Variants in HSD11B1L observed in about 807,000 individuals in gnomAD.
HSD11B1L encodes the protein hydroxysteroid 11-beta dehydrogenase 1 like, also known as hydroxysteroid 11-beta-dehydrogenase 1-like protein.
Under a neutral mutation model 27.0 loss-of-function variants are expected in HSD11B1L, and 22 were observed. The observed-to-expected ratio is 0.81, with a 90% CI of 0.58 to 1.16. HSD11B1L has a LOEUF of 1.16. HSD11B1L is among the 50% of genes most tolerant of loss of function. The pLI, the probability that HSD11B1L is intolerant of heterozygous loss-of-function variation, is 0.00. For missense variants in HSD11B1L, 372 were observed against 401.8 expected, an observed-to-expected ratio of 0.93 and a Z score of 0.63; for synonymous variants, 187 against 189.2, an observed-to-expected ratio of 0.99 and a Z score of 0.09.
chr19:5,687,195 C>A lies in HSD11B1L; in HGVS notation c.409-87C>A. 1 of 1,442,266 alleles carries A rather than the reference C, an allele frequency of 6.9e-7. No homozygotes were observed. Among genetic ancestry groups the A allele is most frequent in the Non-Finnish European group, 9.5e-7 (1 of 1,052,840 alleles). 89.3% of individuals were successfully genotyped at this position (1,442,266 alleles called of 1,614,324 possible). ...CCGGGTTTCTGGCCCCGTCTCTGAC[C>A]CGGCCCTGGCCCCGCCCTCTGGGTT... On this transcript the variant is annotated intron_variant, in intron 5 of 7. Transcript: ENST00000339423. This position sits in a 1 kb window ranked among gnomAD's most constrained non-coding sequence, Gnocchi z 6.6.
rs1047128863 is a variant in HSD11B1L at position 5,687,803 on chromosome 19, T to C, written c.719T>C (p.Val240Ala). ...CCGGGGCCCAAGGCAGCCCTGGCCGTGATCCGCGGCGGCGCCACGCGCGCG... is the reference window on the plus strand; with the variant it reads ...CCGGGGCCCAAGGCAGCCCTGGCCGCGATCCGCGGCGGCGCCACGCGCGCG... The part of the protein sequence containing the change: ...AAPGPKAALA[V>A]IRGGATRAAG... Residue 240 changes from valine to alanine, a missense_variant, in exon 8 of 8, where the codon GTG (valine) becomes GCG (alanine). Val to Ala is a moderately conservative substitution (Grantham distance 64). Transcript: ENST00000339423. The surrounding 1 kb of genome is among the most constrained non-coding windows in gnomAD (Gnocchi z 6.6). The C allele has an allele frequency of 7.9e-6, 12 of 1,518,416 alleles. No homozygotes were observed. The highest frequency in any genetic ancestry group is 1.1e-5 in the Non-Finnish European group (12 of 1,137,524). 94.1% of individuals were successfully genotyped at this position (1,518,416 alleles called of 1,614,324 possible).
At chr19:5,684,628 G>A (rs935510481) in intron 1 of HSD11B1L, among the ~76,000 whole-genome samples, 191 bp from the exon 2 acceptor site, 2 of 151,222 alleles carry the variant, frequency 1.3e-5, no homozygotes, top group South Asian at 4.1e-4. Flanking sequence ...TGGAGGGGGA[G>A]GGTGCAGGTG....
intron 1 of HSD11B1L, among the ~76,000 whole-genome samples, chr19:5,682,389 T>G (rs1402149130): frequency 6.6e-6 from 1 of 150,902 alleles, no homozygotes; most frequent in Non-Finnish European, 1.5e-5. Flanking sequence ...CGGGGTAGGG[T>G]CTAGGAGGGA....
At chr19:5,682,275 G>T (rs1008457140) in intron 1 of HSD11B1L, among the ~76,000 whole-genome samples, 1 of 152,178 alleles carries the variant, frequency 6.6e-6, no homozygotes, top group African/African-American at 2.4e-5. Flanking sequence ...GACAGAAGAG[G>T]CAGGGAGAGA....
At chr19:5,682,677 C>T (rs2054586678) in intron 1 of HSD11B1L, among the ~76,000 whole-genome samples, 1 of 151,956 alleles carries the variant, frequency 6.6e-6, no homozygotes, top group African/African-American at 2.4e-5. Flanking sequence ...AGGAGACACC[C>T]AGAAGACAGC....
At chr19:5,684,484 G>T in intron 1 of HSD11B1L, 1 of 464,946 alleles carries the variant, frequency 2.2e-6, no homozygotes, top group Non-Finnish European at 3.8e-6. Flanking sequence ...TTAGTGGAGC[G>T]GAGTGAGCAA....
Position 5,688,261 on chromosome 19 carries a change from G to A in HSD11B1L, c.*316G>A. 2.2e-6 allele frequency: 3 copies of A among 1,334,122 alleles called. No homozygotes were observed. Among genetic ancestry groups the A allele is most frequent in the South Asian group, 1.4e-5 (1 of 72,634 alleles). 82.6% of individuals were successfully genotyped at this position (1,334,122 alleles called of 1,614,324 possible). A position where few individuals can be genotyped will look rare whatever the true frequency, so the allele number is the denominator to read the frequency against. On this transcript the variant is annotated 3_prime_UTR_variant, in exon 8 of 8. Coordinates refer to ENST00000339423, the MANE Select transcript of HSD11B1L (RefSeq NM_198706.3). ...CTCAGAGAGGCCACGCCACCCTTGA[G>A]CCACCCATGGACCCCTCTCCATCTC...
At position 5,684,894 on chromosome 19, in the gene HSD11B1L, A is replaced by G. The variant is rs760751212; in HGVS notation, c.62A>G (p.Asn21Ser). Residue 21 changes from asparagine (N) to serine (S), a missense_variant, in exon 2 of 8, where the codon AAC becomes AGC. By Grantham distance (46) the Asn-to-Ser change is conservative (BLOSUM62 1). Coordinates refer to ENST00000339423, the MANE Select transcript of HSD11B1L (RefSeq NM_198706.3). ...ALFFAYYWDD[N>S]FDPASLQGAR... ...TTCTTCGCCTATTATTGGGATGACA[A>G]CTTCGACCCAGGTGAGCACCTGGGG... 1.2e-6 allele frequency: 2 copies of G among 1,613,762 alleles called. No homozygotes were observed. Among genetic ancestry groups the G allele is most frequent in the East Asian group, 2.2e-5 (1 of 44,878 alleles).
chr19:5,688,324 T>G lies in HSD11B1L; in HGVS notation c.*379T>G. The G allele has an allele frequency of 1.2e-6, 1 of 833,598 alleles. No individual in the cohort carries two copies. The highest frequency in any genetic ancestry group is 1.8e-6 in the Non-Finnish European group (1 of 548,010). 51.6% of individuals were successfully genotyped at this position (833,598 alleles called of 1,614,324 possible). A position where few individuals can be genotyped will look rare whatever the true frequency, so the allele number is the denominator to read the frequency against. ...TTAAGTCCCTGATTTATTCTTTCCATTCATTCCATCTGGGAGGAACCCCCC... is the reference window on the plus strand; with the variant it reads ...TTAAGTCCCTGATTTATTCTTTCCAGTCATTCCATCTGGGAGGAACCCCCC... On this transcript the variant is annotated 3_prime_UTR_variant, in exon 8 of 8. Transcript: ENST00000339423.
rs371417226 is a variant in HSD11B1L at position 5,684,977 on chromosome 19, G to A, written c.74-12G>A. ...GTCCTCCGCCCAGAGTGACCACCCCGGCTATGGCCAGCCAGCCTCCAGGGA... is the reference window on the plus strand; with the variant it reads ...GTCCTCCGCCCAGAGTGACCACCCCAGCTATGGCCAGCCAGCCTCCAGGGA... On this transcript the variant is annotated splice_polypyrimidine_tract_variant and intron_variant, in intron 2 of 7. Transcript: ENST00000339423. The A allele has an allele frequency of 1.4e-5, 22 of 1,610,866 alleles. No homozygotes were observed. The highest frequency in any genetic ancestry group is 1.3e-4 in the African/African-American group (10 of 74,880).
Position 5,687,200 on chromosome 19 carries a change from C to T in HSD11B1L, c.409-82C>T, listed in dbSNP as rs1467256135. 17 of 1,476,952 alleles carry T rather than the reference C, an allele frequency of 1.2e-5. No individual in the cohort carries two copies. Among genetic ancestry groups the T allele is most frequent in the Middle Eastern group, 2.3e-4 (1 of 4,372 alleles). 91.5% of individuals were successfully genotyped at this position (1,476,952 alleles called of 1,614,324 possible). On this transcript the variant is annotated intron_variant, in intron 5 of 7. Coordinates refer to ENST00000339423, the MANE Select transcript of HSD11B1L (RefSeq NM_198706.3). The surrounding 1 kb of genome is among the most constrained non-coding windows in gnomAD (Gnocchi z 6.6). ...TTTCTGGCCCCGTCTCTGACCCGGC[C>T]CTGGCCCCGCCCTCTGGGTTTCTGG...
rs137877589 is a variant in HSD11B1L, at chr19:5,687,558, C to T, written c.558C>T (p.Asp186=). Residue 186 remains aspartate (D), a synonymous_variant, in exon 7 of 8, where the codon GAC becomes GAT. Transcript: ENST00000339423. This position sits in a 1 kb window ranked among gnomAD's most constrained non-coding sequence, Gnocchi z 6.6. ...ACTCGGCGGCCAAGTTTGCGCTGGA[C>T]GGCTTCTTCGGCTCCCTGCGGCGGG... ...TPYSAAKFAL[D]GFFGSLRREL... is the part of the protein sequence containing the mutation. 4.4e-6 allele frequency: 7 copies of T among 1,599,758 alleles called. No homozygotes were observed. In the African/African-American group the frequency reaches 8.0e-5, roughly 18 times the overall value.
Position 5,684,868 on chromosome 19 carries a change from G to C in HSD11B1L, c.36G>C (p.Leu12=). 1 of 1,613,928 alleles carries C rather than the reference G, an allele frequency of 6.2e-7. No individual in the cohort carries two copies. The highest frequency in any genetic ancestry group is 1.1e-5 in the South Asian group (1 of 91,086). Reference sequence around the variant, plus strand: ...TTCTCCTCACAGGGCTGGGGGCCCTGTTCTTCGCCTATTATTGGGATGACA... The same window carrying C: ...TTCTCCTCACAGGGCTGGGGGCCCTCTTCTTCGCCTATTATTGGGATGACA... The part of the protein sequence containing the change: ...KVLLLTGLGA[L]FFAYYWDDNF... Residue 12 remains leucine (L), a synonymous_variant, in exon 2 of 8, where the codon CTG becomes CTC. Transcript: ENST00000339423.
chr19:5,687,526 AC>A lies in HSD11B1L; in HGVS notation c.527del (p.Thr176IlefsTer26). The part of the protein sequence containing the change: ...LLGRVPTSFS[T>X]PYSAAKFALD... ...AGGCCGCGTGCCCACGTCGTTCTCC[AC>A]TCCCTACTCGGCGGCCAAGTTTGCG... On this transcript the variant is annotated frameshift_variant, in exon 7 of 8. Transcript: ENST00000339423. LOFTEE classifies it high-confidence loss of function. The surrounding 1 kb of genome is among the most constrained non-coding windows in gnomAD (Gnocchi z 6.6). 1.3e-6 allele frequency: 2 copies of A among 1,598,442 alleles called. No individual in the cohort carries two copies. The highest frequency in any genetic ancestry group is 1.7e-6 in the Non-Finnish European group (2 of 1,179,096).
At position 5,688,373 on chromosome 19, in the gene HSD11B1L, C is replaced by T. The variant is rs2054766783; in HGVS notation, c.*428C>T. The T allele has an allele frequency of 1.6e-6, 1 of 626,184 alleles. No individual in the cohort carries two copies. The highest frequency in any genetic ancestry group is 2.8e-6 in the Non-Finnish European group (1 of 361,272). 38.8% of individuals were successfully genotyped at this position (626,184 alleles called of 1,614,324 possible). A position where few individuals can be genotyped will look rare whatever the true frequency, so the allele number is the denominator to read the frequency against. On this transcript the variant is annotated 3_prime_UTR_variant, in exon 8 of 8. Transcript: ENST00000339423. ...CCCAACTCCTGCCAGCTTCCCCTAG[C>T]TGGGGTCTCTGGTACTCTTCACACC...
At chr19:5,684,672 C>A in intron 1 of HSD11B1L, 147 bp from the exon 2 acceptor site, 1 of 1,316,552 alleles carries the variant, frequency 7.6e-7, no homozygotes, top group Non-Finnish European at 1.0e-6. Flanking sequence ...GTTCATGGAG[C>A]CACCGTGGTG....
rs762846306 is a variant in HSD11B1L at position 5,684,919 on chromosome 19, G to C, written c.73+14G>C. ...ACTTCGACCCAGGTGAGCACCTGGGGTTGAGGGAGGGAGAAACCGGGCCAG... is the reference window on the plus strand; with the variant it reads ...ACTTCGACCCAGGTGAGCACCTGGGCTTGAGGGAGGGAGAAACCGGGCCAG... On this transcript the variant is annotated intron_variant, in intron 2 of 7. Transcript: ENST00000339423. The C allele has an allele frequency of 6.2e-7, 1 of 1,613,336 alleles. No individual in the cohort carries two copies. The highest frequency in any genetic ancestry group is 1.1e-5 in the South Asian group (1 of 91,076).
chr19:5,686,200 T>C (rs929506629), intron 3 of HSD11B1L, among the ~76,000 whole-genome samples: 17 of 152,100 alleles, frequency 1.1e-4, no homozygotes, highest in African/African-American at 3.9e-4. Flanking sequence ...TGTTGGTGAT[T>C]GACTAACCAC....
rs937440372 is a variant in HSD11B1L at position 5,687,182 on chromosome 19, C to T, written c.409-100C>T. 7.4e-7 allele frequency: 1 copy of T among 1,356,108 alleles called. No individual in the cohort carries two copies. Among genetic ancestry groups the T allele is most frequent in the African/African-American group, 1.4e-5 (1 of 69,864 alleles). 84.0% of individuals were successfully genotyped at this position (1,356,108 alleles called of 1,614,324 possible). A position where few individuals can be genotyped will look rare whatever the true frequency, so the allele number is the denominator to read the frequency against. ...TCGGACCCGCCTTCCGGGTTTCTGG[C>T]CCCGTCTCTGACCCGGCCCTGGCCC... On this transcript the variant is annotated intron_variant, in intron 5 of 7. Transcript: ENST00000339423. The surrounding 1 kb of genome is among the most constrained non-coding windows in gnomAD (Gnocchi z 6.6).
Sources: gnomAD v4.1 joint callset for allele counts (sites outside exome capture counted in the v4.1 genomes callset) on GRCh38, gnomAD v4.1.1 for gene constraint, Gnocchi (gnomAD v3.1) non-coding constraint, MANE v1.5 for transcripts, NCBI Gene and HGNC (gene_info 2026-07-23, HGNC 2026-07-21) for gene names.